PTPRM: variants seen among roughly 807,000 people sequenced by gnomAD.
PTPRM encodes receptor-type tyrosine-protein phosphatase mu.
PTPRM carries 47 observed loss-of-function variants against 186.7 expected under a neutral mutation model. The observed-to-expected ratio is 0.25, with a 90% CI of 0.20 to 0.32. The LOEUF (loss-of-function observed/expected upper bound fraction) is 0.32, where lower values mean the gene tolerates loss of function less well. Among genes scored for constraint, PTPRM ranks in the 10% least tolerant of loss-of-function variants. The pLI is 1.00. For synonymous variants in PTPRM, 668 were observed against 674.9 expected (o/e 0.99, Z 0.16); for missense variants, 1,494 against 1,865.0 (o/e 0.80, Z 3.66).
At chr18:8,136,208 A>T (rs1004246846) in intron 13 of PTPRM, among the ~76,000 whole-genome samples, 1 of 152,220 alleles carries the variant, frequency 6.6e-6, no homozygotes, top group Non-Finnish European at 1.5e-5. Flanking sequence ...TCCTTTCTTG[A>T]TTATTCACTT....
chr18:8,251,042 G>A (rs1407275603), intron 17 of PTPRM, among the ~76,000 whole-genome samples: 2 of 152,124 alleles, frequency 1.3e-5, no homozygotes, highest in African/African-American at 4.8e-5. Context: ...CATGGACTTG[G>A]TGGTGTTTAA....
intron 1 of PTPRM, among the ~76,000 whole-genome samples, chr18:7,570,164 G>A (rs2036533113): frequency 6.6e-6 from 1 of 152,130 alleles, no homozygotes; most frequent in African/African-American, 2.4e-5. Context: ...AATTTCATAT[G>A]TGCAAGGATC....
At chr18:7,599,799 G>T (rs567762390) in intron 1 of PTPRM, among the ~76,000 whole-genome samples, 24 of 152,276 alleles carry the variant, frequency 1.6e-4, no homozygotes, top group Non-Finnish European at 3.1e-4. Context: ...CTCCCTTCTT[G>T]TGGCACCCTC....
At chr18:7,691,447 T>C (rs2039730425) in intron 1 of PTPRM, among the ~76,000 whole-genome samples, 1 of 152,150 alleles carries the variant, frequency 6.6e-6, no homozygotes, top group Non-Finnish European at 1.5e-5. Flanking sequence ...CCGATGTTTG[T>C]GGGAGGAGTG....
chr18:7,972,559 T>C (rs562833397), intron 7 of PTPRM, among the ~76,000 whole-genome samples: 2 of 146,758 alleles, frequency 1.4e-5, no homozygotes, highest in East Asian at 4.0e-4. Flanking sequence ...TAGAAATACA[T>C]TAACATTTGA....
At chr18:7,690,641 T>G (rs557181281) in intron 1 of PTPRM, among the ~76,000 whole-genome samples, 2 of 152,318 alleles carry the variant, frequency 1.3e-5, no homozygotes, top group South Asian at 4.1e-4. Context: ...GAGAGAAGTT[T>G]ATTCAGAATT....
intron 13 of PTPRM, among the ~76,000 whole-genome samples, chr18:8,142,648 A>G (rs538166629): frequency 2.0e-5 from 3 of 152,294 alleles, no homozygotes; most frequent in African/African-American, 4.8e-5. Flanking sequence ...ATTTAATTAC[A>G]TTTTTACCAA....
chr18:7,657,961 A>G lies in PTPRM; in HGVS notation c.73+90070A>G, dbSNP rs186667815. On this transcript the variant is annotated intron_variant, in intron 1 of 32. Transcript: ENST00000580170. Reference sequence around the variant, plus strand: ...GTGTATATTTAAGGTGTACATCATGATGTTTCGATACATATATACATTGTG... The same window carrying G: ...GTGTATATTTAAGGTGTACATCATGGTGTTTCGATACATATATACATTGTG... Among the ~76,000 whole-genome samples, 72 of 152,240 alleles carry G rather than the reference A, an allele frequency of 4.7e-4. 1 individual carries two copies. The highest frequency in any genetic ancestry group is 3.4e-3 in the Middle Eastern group (1 of 294).
At chr18:8,016,969 A>G (rs779497730) in intron 7 of PTPRM, among the ~76,000 whole-genome samples, 1 of 152,196 alleles carries the variant, frequency 6.6e-6, no homozygotes, top group Non-Finnish European at 1.5e-5. Context: ...CAACATTTAC[A>G]TAATACAGTA....
intron 1 of PTPRM, among the ~76,000 whole-genome samples, chr18:7,760,490 G>A (rs1158893245): frequency 2.0e-5 from 3 of 152,174 alleles, no homozygotes; most frequent in African/African-American, 7.2e-5. Context: ...GCCTGCGCTG[G>A]GTTCGCCCTC....
At chr18:8,269,132 T>C (rs1324146127) in intron 19 of PTPRM, among the ~76,000 whole-genome samples, 2 of 152,170 alleles carry the variant, frequency 1.3e-5, no homozygotes, top group East Asian at 3.9e-4. Flanking sequence ...TGTCTCTGTT[T>C]ATATGTAACA....
intron 3 of PTPRM, among the ~76,000 whole-genome samples, chr18:7,890,068 A>C (rs955728368): frequency 1.3e-5 from 2 of 152,244 alleles, no homozygotes; most frequent in African/African-American, 4.8e-5. Context: ...ATTAGTGACA[A>C]TGGGCATTTG....
intron 14 of PTPRM, among the ~76,000 whole-genome samples, chr18:8,229,564 T>C (rs1464279978): frequency 6.6e-6 from 1 of 152,212 alleles, no homozygotes; most frequent in Non-Finnish European, 1.5e-5. Context: ...ATATGATTCC[T>C]TGAATTTTGT....
intron 11 of PTPRM, among the ~76,000 whole-genome samples, chr18:8,101,719 G>A (rs186506670): frequency 2.0e-5 from 3 of 152,238 alleles, no homozygotes; most frequent in African/African-American, 4.8e-5. Flanking sequence ...TGAGCTTTCC[G>A]TGTAACACTT....
chr18:8,280,318 CT>C (rs1398513839), intron 19 of PTPRM, among the ~76,000 whole-genome samples: 1 of 149,892 alleles, frequency 6.7e-6, no homozygotes, highest in African/African-American at 2.5e-5. Flanking sequence ...AACTTAAGTA[CT>C]TCTTTGAAGG....
intron 2 of PTPRM, among the ~76,000 whole-genome samples, chr18:7,825,823 A>G (rs549386655): frequency 1.3e-5 from 2 of 152,362 alleles, no homozygotes; most frequent in East Asian, 3.9e-4. Context: ...AGTAAGCAGA[A>G]CAGATGGAAA....
At chr18:8,326,705 T>C (rs528915576) in intron 22 of PTPRM, among the ~76,000 whole-genome samples, 1 of 152,284 alleles carries the variant, frequency 6.6e-6, no homozygotes, top group Non-Finnish European at 1.5e-5. Flanking sequence ...ATTATTAATA[T>C]TATTGAATAA....
At chr18:7,652,248 A>C (rs1325887595) in intron 1 of PTPRM, among the ~76,000 whole-genome samples, 1 of 152,180 alleles carries the variant, frequency 6.6e-6, no homozygotes, top group Non-Finnish European at 1.5e-5. Flanking sequence ...AAAAGTCAGG[A>C]AACAACAGGT....
intron 1 of PTPRM, among the ~76,000 whole-genome samples, chr18:7,611,635 C>G (rs2037677363): frequency 6.6e-6 from 1 of 152,164 alleles, no homozygotes; most frequent in South Asian, 2.1e-4. Context: ...CTTGAATTCC[C>G]ACATGTTGTG....
Sources: gnomAD v4.1 joint callset for allele counts (sites outside exome capture counted in the v4.1 genomes callset) on GRCh38, gnomAD v4.1.1 for gene constraint, MANE v1.5 for transcripts, NCBI Gene and HGNC (gene_info 2026-07-23, HGNC 2026-07-21) for gene names.